EEFSEC: variants seen among roughly 807,000 people sequenced by gnomAD.
EEFSEC encodes selenocysteine-specific elongation factor.
EEFSEC carries 43 observed loss-of-function variants against 42.1 expected under a neutral mutation model. The ratio of observed to expected loss-of-function variants is 1.02; its 90% CI spans 0.80 to 1.32. The LOEUF is 1.32. Ranked by LOEUF, EEFSEC falls within the 40% of genes most tolerant of loss-of-function variation. The pLI, the probability that EEFSEC is intolerant of heterozygous loss-of-function variation, is 0.00. For synonymous variants in EEFSEC, 354 were observed against 339.1 expected, an observed-to-expected ratio of 1.04 and a Z score of -0.48; for missense variants, 745 against 803.6, an observed-to-expected ratio of 0.93 and a Z score of 0.88.
intron 6 of EEFSEC, among the ~76,000 whole-genome samples, chr3:128,387,191 T>C (rs2067850887): frequency 6.6e-6 from 1 of 152,118 alleles, no homozygotes; most frequent in South Asian, 2.1e-4. Context: ...CACAGGGGTA[T>C]GGGAGCCATG....
At chr3:128,189,825 G>A (rs2065503421) in intron 1 of EEFSEC, among the ~76,000 whole-genome samples, 2 of 152,002 alleles carry the variant, frequency 1.3e-5, no homozygotes, top group South Asian at 4.1e-4. Flanking sequence ...ATTGCAAAGT[G>A]CTAGGATGAG....
chr3:128,199,207 C>G (rs2065618638), intron 1 of EEFSEC, among the ~76,000 whole-genome samples: 1 of 152,010 alleles, frequency 6.6e-6, no homozygotes, highest in Non-Finnish European at 1.5e-5. Context: ...GTTTTTAAAC[C>G]TTTTTTCTCA....
chr3:128,339,418 A>T (rs559743643), intron 4 of EEFSEC, among the ~76,000 whole-genome samples: 2 of 152,286 alleles, frequency 1.3e-5, no homozygotes, highest in East Asian at 3.9e-4. Context: ...ACTATTTTTG[A>T]TGGCAGGTCT....
chr3:128,171,092 A>C (rs1003119635), intron 1 of EEFSEC, among the ~76,000 whole-genome samples: 5 of 152,154 alleles, frequency 3.3e-5, no homozygotes, highest in Non-Finnish European at 7.4e-5. Flanking sequence ...AATCATCTCC[A>C]TGCCGACTCC....
At chr3:128,193,945 C>T (rs1007458853) in intron 1 of EEFSEC, among the ~76,000 whole-genome samples, 2 of 152,144 alleles carry the variant, frequency 1.3e-5, no homozygotes, top group East Asian at 1.9e-4. Flanking sequence ...GGCTGAGTAG[C>T]GGTTTTCTGT....
intron 4 of EEFSEC, among the ~76,000 whole-genome samples, chr3:128,329,307 C>T (rs946998063): frequency 1.3e-5 from 2 of 152,152 alleles, no homozygotes; most frequent in African/African-American, 4.8e-5. Context: ...TGATGTTGCC[C>T]CTGCACAGCT....
intron 4 of EEFSEC, among the ~76,000 whole-genome samples, chr3:128,286,095 TCG>T (rs570600127): frequency 6.6e-6 from 1 of 152,370 alleles, no homozygotes; most frequent in South Asian, 2.1e-4. Context: ...AGCTTGCTCT[TCG>T]CATTCAGCAC....
chr3:128,157,954 T>C (rs1944408225), intron 1 of EEFSEC, among the ~76,000 whole-genome samples: 1 of 152,172 alleles, frequency 6.6e-6, no homozygotes, highest in African/African-American at 2.4e-5. Flanking sequence ...GAAAACCTTC[T>C]GGAAAGGATT....
chr3:128,253,322 G>A (rs563570046), intron 2 of EEFSEC, among the ~76,000 whole-genome samples: 5 of 152,290 alleles, frequency 3.3e-5, no homozygotes, highest in East Asian at 1.9e-4. Context: ...TCAGCTCTGC[G>A]GATGGAGCCT....
At chr3:128,314,345 T>C (rs1293923491) in intron 4 of EEFSEC, among the ~76,000 whole-genome samples, 3 of 152,168 alleles carry the variant, frequency 2.0e-5, no homozygotes, top group Non-Finnish European at 4.4e-5. Flanking sequence ...ATTTTATTTA[T>C]ATTTATTTTA....
chr3:128,282,033 G>A (rs140733273), intron 4 of EEFSEC, among the ~76,000 whole-genome samples: 1 of 152,332 alleles, frequency 6.6e-6, no homozygotes, highest in East Asian at 1.9e-4. Context: ...CCAAGTGGGA[G>A]CTCTGAGACT....
intron 1 of EEFSEC, among the ~76,000 whole-genome samples, chr3:128,207,877 C>A (rs2065715425): frequency 6.6e-6 from 1 of 152,136 alleles, no homozygotes; most frequent in Non-Finnish European, 1.5e-5. Flanking sequence ...ATCTGGCTGC[C>A]AAATGAACTT....
chr3:128,372,290 C>T (rs900383290), intron 6 of EEFSEC, among the ~76,000 whole-genome samples: 1 of 152,126 alleles, frequency 6.6e-6, no homozygotes, highest in African/African-American at 2.4e-5. Context: ...AGAGGCCGGC[C>T]CATGTTCTAT....
At chr3:128,237,851 C>G (rs2066029110) in intron 1 of EEFSEC, among the ~76,000 whole-genome samples, 1 of 152,176 alleles carries the variant, frequency 6.6e-6, no homozygotes, top group Non-Finnish European at 1.5e-5. Context: ...CCTTTGGCTC[C>G]CTCCTGCAGG....
At chr3:128,293,247 A>G (rs1044695418) in intron 4 of EEFSEC, among the ~76,000 whole-genome samples, 1 of 152,228 alleles carries the variant, frequency 6.6e-6, no homozygotes, top group Non-Finnish European at 1.5e-5. Context: ...GAAAATGTGT[A>G]TAGGCAGATG....
At chr3:128,200,746 C>T (rs1559865921) in intron 1 of EEFSEC, among the ~76,000 whole-genome samples, 1 of 152,176 alleles carries the variant, frequency 6.6e-6, no homozygotes, top group African/African-American at 2.4e-5. Flanking sequence ...GCAGAACAAT[C>T]GTGAGACTGT....
At chr3:128,426,152 G>A in the EEFSEC span, among the ~76,000 whole-genome samples, 2 of 152,192 alleles carry the variant, frequency 1.3e-5, no homozygotes, top group South Asian at 4.1e-4. Flanking sequence ...CGCTGCACAG[G>A]CCACGCGGGG....
intron 4 of EEFSEC, among the ~76,000 whole-genome samples, chr3:128,280,784 A>T (rs536589266): frequency 5.3e-4 from 81 of 152,106 alleles, no homozygotes; most frequent in Non-Finnish European, 8.4e-4. Flanking sequence ...CTTCTCCTTC[A>T]CTAGCCGCCC....
chr3:128,267,075 G>C (rs376418110), intron 4 of EEFSEC, among the ~76,000 whole-genome samples: 2 of 152,084 alleles, frequency 1.3e-5, no homozygotes, highest in African/African-American at 4.8e-5. Context: ...TCAAAAGAGG[G>C]CTCTCTGGGG....
Sources: allele counts gnomAD v4.1 joint callset (sites outside exome capture counted in the v4.1 genomes callset), GRCh38; gene constraint gnomAD v4.1.1; transcripts MANE v1.5; gene names NCBI Gene and HGNC (gene_info 2026-07-23, HGNC 2026-07-21).